ERBB4: variants seen among roughly 807,000 people sequenced by gnomAD.
ERBB4 encodes erb-b2 receptor tyrosine kinase 4, also known as receptor tyrosine-protein kinase erbB-4.
In ERBB4, 42 loss-of-function variants were observed where a neutral mutation model predicts 158.0. That is an observed-to-expected ratio of 0.27 (90% CI 0.21 to 0.34). The LOEUF (loss-of-function observed/expected upper bound fraction) is 0.34, where lower values mean the gene tolerates loss of function less well. Among genes scored for constraint, ERBB4 ranks in the 10% least tolerant of loss-of-function variants. The pLI, the probability that ERBB4 is intolerant of heterozygous loss-of-function variation, is 1.00. For missense variants in ERBB4, 1,333 were observed against 1,624.1 expected (o/e 0.82, Z 3.08); for synonymous variants, 583 against 558.7 (o/e 1.04, Z -0.61).
intron 3 of ERBB4, among the ~76,000 whole-genome samples, chr2:211,861,137 T>TTATATA (rs1559586173): frequency 1.3e-4 from 4 of 30,370 alleles, no homozygotes; most frequent in African/African-American, 9.8e-5. Context: ...TATATATATA[T>TTATATA]ATATATATAT....
intron 3 of ERBB4, among the ~76,000 whole-genome samples, chr2:211,871,424 T>C (rs1180656470): frequency 6.6e-6 from 1 of 151,982 alleles, no homozygotes; most frequent in Admixed American, 6.6e-5. Flanking sequence ...TCTATGCCAA[T>C]AAATTAATTG....
At chr2:211,713,450 T>A (rs753118509) in intron 8 of ERBB4, 85 bp downstream of exon 8, 3 of 803,008 alleles carry the variant, frequency 3.7e-6, no homozygotes, top group Admixed American at 1.9e-5. Flanking sequence ...TGGGTTTATA[T>A]TAAAAAGTTG....
Position 211,970,926 on chromosome 2 carries a change from G to T in ERBB4, c.235-23310C>A, listed in dbSNP as rs1177775433. On this transcript the variant is annotated intron_variant, in intron 2 of 27. Transcript: ENST00000342788. ...GGATTTGCTCTTGTCATCATGTTTA[G>T]CTGGTTATTGTGCAGACTTGTTTAT... is the stretch of plus-strand genomic sequence containing the variant. Among the ~76,000 whole-genome samples, 3 of 152,072 alleles carry T rather than the reference G, an allele frequency of 2.0e-5. No homozygotes were observed. In the East Asian group the frequency reaches 5.8e-4, roughly 29 times the overall value.
chr2:212,453,213 T>C (rs1450867597), intron 1 of ERBB4, among the ~76,000 whole-genome samples: 1 of 152,198 alleles, frequency 6.6e-6, no homozygotes, highest in Admixed American at 6.5e-5. Flanking sequence ...TGTTGCTTCT[T>C]ATATCTTCCC....
chr2:211,690,172 T>A (rs976363923), intron 12 of ERBB4, among the ~76,000 whole-genome samples: 2 of 151,720 alleles, frequency 1.3e-5, no homozygotes, highest in Non-Finnish European at 2.9e-5. Flanking sequence ...CTCAGTTTCT[T>A]TCTTGAGGAC....
At chr2:211,414,500 T>TAAAAAAAAAA (rs71047174) in intron 25 of ERBB4, among the ~76,000 whole-genome samples, 11 of 102,080 alleles carry the variant, frequency 1.1e-4, no homozygotes, top group African/African-American at 1.4e-4. Flanking sequence ...CAGTCTCAAT[T>TAAAAAAAAAA]AAAAAAAAAA....
At chr2:212,291,687 G>A (rs1366681438) in intron 1 of ERBB4, among the ~76,000 whole-genome samples, 1 of 151,984 alleles carries the variant, frequency 6.6e-6, no homozygotes, top group East Asian at 1.9e-4. Context: ...ATGAACATTA[G>A]AGATTTTTGG....
chr2:212,004,399 G>C (rs1318839445), intron 2 of ERBB4, among the ~76,000 whole-genome samples: 1 of 152,102 alleles, frequency 6.6e-6, no homozygotes, highest in Non-Finnish European at 1.5e-5. Context: ...ACATATGTTA[G>C]CCTGAACCAC....
chr2:211,582,009 C>CAA (rs113294020), intron 19 of ERBB4, among the ~76,000 whole-genome samples: 3 of 146,224 alleles, frequency 2.1e-5, no homozygotes, highest in African/African-American at 7.5e-5. Flanking sequence ...GACTCCATCT[C>CAA]AAAAAAAAAA....
intron 20 of ERBB4, among the ~76,000 whole-genome samples, chr2:211,473,597 T>TA (rs1203942782): frequency 3.9e-5 from 6 of 152,050 alleles, no homozygotes; most frequent in Admixed American, 1.3e-4. Flanking sequence ...TCCCATACTA[T>TA]AAGGATTAGA....
chr2:211,793,687 A>G (rs1214486311), intron 3 of ERBB4, among the ~76,000 whole-genome samples: 3 of 151,940 alleles, frequency 2.0e-5, no homozygotes, highest in Non-Finnish European at 4.4e-5. Context: ...TACTTAATAC[A>G]TGATCTCTGG....
intron 1 of ERBB4, among the ~76,000 whole-genome samples, chr2:212,340,700 C>T (rs966503562): frequency 1.3e-5 from 2 of 152,178 alleles, no homozygotes; most frequent in Non-Finnish European, 2.9e-5. Flanking sequence ...AAGCAGCTGG[C>T]TGTAAATACA....
intron 2 of ERBB4, among the ~76,000 whole-genome samples, chr2:212,074,277 T>C (rs757609393): frequency 1.4e-4 from 21 of 152,004 alleles, no homozygotes; most frequent in Non-Finnish European, 2.8e-4. Context: ...ACTAATACTA[T>C]AAATAATGTG....
intron 4 of ERBB4, among the ~76,000 whole-genome samples, chr2:211,785,335 G>A (rs530185226): frequency 6.6e-6 from 1 of 151,996 alleles, no homozygotes; most frequent in Non-Finnish European, 1.5e-5. Flanking sequence ...TCTCCTGATC[G>A]CGTGATCCGC....
At chr2:212,103,721 A>T (rs954563154) in intron 2 of ERBB4, among the ~76,000 whole-genome samples, 2 of 148,108 alleles carry the variant, frequency 1.4e-5, no homozygotes, top group African/African-American at 2.4e-5. Context: ...CTGATTTTTC[A>T]TTTTTTTTTT....
chr2:211,530,753 G>A (rs1406765389), intron 20 of ERBB4, among the ~76,000 whole-genome samples: 1 of 152,036 alleles, frequency 6.6e-6, no homozygotes, highest in African/African-American at 2.4e-5. Flanking sequence ...GGCCAGGCCT[G>A]GTGGTGTGTG....
At chr2:211,687,779 C>T (rs180990315) in intron 12 of ERBB4, among the ~76,000 whole-genome samples, 2 of 152,218 alleles carry the variant, frequency 1.3e-5, no homozygotes, top group East Asian at 3.9e-4. Context: ...CTCACCTCTG[C>T]ATTGTTCTTT....
intron 2 of ERBB4, among the ~76,000 whole-genome samples, chr2:212,036,326 C>G (rs766911503): frequency 2.0e-5 from 3 of 152,184 alleles, no homozygotes; most frequent in Admixed American, 1.3e-4. Flanking sequence ...AACATGAAAG[C>G]TGCAATTGTT....
chr2:212,093,316 G>T (rs943292714), intron 2 of ERBB4, among the ~76,000 whole-genome samples: 2 of 152,088 alleles, frequency 1.3e-5, no homozygotes, highest in African/African-American at 4.8e-5. Context: ...CTATGAAGTG[G>T]ATAATATTAC....
Sources: gnomAD v4.1 joint callset for allele counts (sites outside exome capture counted in the v4.1 genomes callset) on GRCh38, gnomAD v4.1.1 for gene constraint, MANE v1.5 for transcripts, NCBI Gene and HGNC (gene_info 2026-07-23, HGNC 2026-07-21) for gene names.